The following BCL9 variants were observed in gnomAD, a reference collection of about 807,000 sequenced individuals.
The protein encoded by BCL9 is BCL9 transcription coactivator.
In BCL9, 25 loss-of-function variants were observed where a neutral mutation model predicts 88.5. The observed-to-expected ratio is 0.28, with a 90% confidence interval of 0.21 to 0.39. The LOEUF is 0.39. BCL9 is among the 10% of genes least tolerant of loss of function. The probability of loss-of-function intolerance (pLI) is 1.00; values close to 1 mark genes in which losing one functional copy is unlikely to be tolerated. For synonymous variants in BCL9, 711 were observed against 673.3 expected, an observed-to-expected ratio of 1.06 and a Z score of -0.87; for missense variants, 1,817 against 1,877.8, an observed-to-expected ratio of 0.97 and a Z score of 0.60.
At chr1:147,547,594 G>A (rs1300321899) in intron 1 of BCL9, among the ~76,000 whole-genome samples, 2 of 152,180 alleles carry the variant, frequency 1.3e-5, no homozygotes, top group African/African-American at 4.8e-5. Context: ...AGCTGGGAAA[G>A]AGGATTTTTC....
chr1:147,541,917 G>A (rs1194603500), intron 1 of BCL9, among the ~76,000 whole-genome samples: 4 of 151,620 alleles, frequency 2.6e-5, no homozygotes, highest in African/African-American at 9.7e-5. Flanking sequence ...AGAGGGCTGG[G>A]AGGAGGGTGT....
chr1:147,583,368 C>A (rs1656453305), intron 1 of BCL9, among the ~76,000 whole-genome samples: 1 of 152,038 alleles, frequency 6.6e-6, no homozygotes, highest in Non-Finnish European at 1.5e-5. Flanking sequence ...ACCTCCACCT[C>A]CCAGGTTCAA....
chr1:147,613,793 C>A (rs1658131925), intron 5 of BCL9, among the ~76,000 whole-genome samples: 1 of 152,168 alleles, frequency 6.6e-6, no homozygotes, highest in Non-Finnish European at 1.5e-5. Flanking sequence ...GGTATGGGAC[C>A]AACAGCTGTG....
chr1:147,589,886 C>T (rs1382197718), intron 1 of BCL9, among the ~76,000 whole-genome samples: 3 of 152,170 alleles, frequency 2.0e-5, no homozygotes, highest in East Asian at 1.9e-4. Context: ...GGTAAACTTA[C>T]ATTGAACTTT....
intron 1 of BCL9, among the ~76,000 whole-genome samples, chr1:147,599,952 G>C (rs1396061506): frequency 1.3e-5 from 2 of 151,634 alleles, no homozygotes; most frequent in Non-Finnish European, 3.0e-5. Context: ...TGCTGGTCGC[G>C]GGGCCGGACG....
rs782560512 is a variant in BCL9, at chr1:147,620,273, A to G, written c.2118A>G (p.Glu706=). 1.9e-6 allele frequency: 3 copies of G among 1,614,160 alleles called. No homozygotes were observed. The Admixed American group carries it at 5.0e-5, about 27-fold the overall frequency. The part of the protein sequence containing the change: ...GIPPQMGPGR[E]LEFGMVPSGM... Reference sequence around the variant, plus strand: ...CCCCACAGATGGGCCCTGGTCGGGAACTTGAGTTTGGGATGGTTCCTAGTG... The same window carrying G: ...CCCCACAGATGGGCCCTGGTCGGGAGCTTGAGTTTGGGATGGTTCCTAGTG... The change falls in exon 8 of 10, where the codon GAA becomes GAG. Residue 706 remains glutamate (E), a synonymous_variant. Coordinates refer to ENST00000234739, the MANE Select transcript of BCL9 (RefSeq NM_004326.4).
intron 1 of BCL9, among the ~76,000 whole-genome samples, chr1:147,599,843 A>C (rs1570884249): frequency 8.8e-6 from 1 of 113,126 alleles, no homozygotes; most frequent in African/African-American, 3.6e-5. Flanking sequence ...GGGCGGGAGG[A>C]GGCCGCGGCG....
chr1:147,570,745 C>A (rs1655850772), intron 1 of BCL9, among the ~76,000 whole-genome samples: 1 of 149,550 alleles, frequency 6.7e-6, no homozygotes, highest in Admixed American at 6.8e-5. Context: ...AAGCGATTCT[C>A]CTGCCTCAAC....
chr1:147,621,117 GTTAC>G, intron 8 of BCL9, 60 bp downstream of exon 8: 1 of 1,487,654 alleles, frequency 6.7e-7, no homozygotes. Flanking sequence ...AGACCTGATA[GTTAC>G]TTTAAGAAAA....
intron 1 of BCL9, among the ~76,000 whole-genome samples, chr1:147,545,088 G>T (rs1654495311): frequency 6.6e-6 from 1 of 151,960 alleles, no homozygotes; most frequent in Non-Finnish European, 1.5e-5. Flanking sequence ...TCATAGGTTC[G>T]ATGCCTATAC....
chr1:147,611,773 T>C lies in BCL9; in HGVS notation c.-64T>C, dbSNP rs372705860. The C allele has an allele frequency of 5.2e-6, 8 of 1,547,198 alleles. No individual in the cohort carries two copies. Among genetic ancestry groups the C allele is most frequent in the African/African-American group, 1.4e-5 (1 of 73,440 alleles). On this transcript the variant is annotated 5_prime_UTR_variant, in exon 4 of 10. Coordinates refer to ENST00000234739, the MANE Select transcript of BCL9 (RefSeq NM_004326.4). ...CACTGCCCCCAGCAGCTGTTTCTGCTGCAACCCGAGAGGAACTCGGTGAGC... is the reference window on the plus strand; with the variant it reads ...CACTGCCCCCAGCAGCTGTTTCTGCCGCAACCCGAGAGGAACTCGGTGAGC...
At chr1:147,596,478 ATCTAGGC>A (rs1230460491) in intron 1 of BCL9, among the ~76,000 whole-genome samples, 1 of 137,836 alleles carries the variant, frequency 7.3e-6, no homozygotes, top group Non-Finnish European at 1.5e-5. Context: ...CAGTGGAGCG[ATCTAGGC>A]TCACTGCAAG....
At chr1:147,597,685 A>G (rs1657116701) in intron 1 of BCL9, among the ~76,000 whole-genome samples, 1 of 152,240 alleles carries the variant, frequency 6.6e-6, no homozygotes, top group Admixed American at 6.5e-5. Context: ...TAACCTATTT[A>G]ATAGAATAAA....
At chr1:147,615,456 A>G (rs1658229770) in intron 6 of BCL9, among the ~76,000 whole-genome samples, 1 of 152,176 alleles carries the variant, frequency 6.6e-6, no homozygotes, top group Admixed American at 6.5e-5. Context: ...ATCACTAGGT[A>G]TTGTACGATC....
intron 1 of BCL9, among the ~76,000 whole-genome samples, chr1:147,556,401 G>A (rs1655115724): frequency 6.6e-6 from 1 of 151,648 alleles, no homozygotes; most frequent in African/African-American, 2.4e-5. Context: ...TGGGATTACA[G>A]GCGTGAGCCA....
chr1:147,598,584 A>G (rs1316985587), intron 1 of BCL9, among the ~76,000 whole-genome samples: 1 of 152,180 alleles, frequency 6.6e-6, no homozygotes, highest in African/African-American at 2.4e-5. Flanking sequence ...AGGAATAAGT[A>G]CCCTGGTTAA....
At chr1:147,552,793 G>A (rs896980289) in intron 1 of BCL9, among the ~76,000 whole-genome samples, 6 of 152,128 alleles carry the variant, frequency 3.9e-5, no homozygotes, top group Non-Finnish European at 8.8e-5. Flanking sequence ...CCTGTTCTAC[G>A]CTTTCTAGGT....
chr1:147,597,424 C>T (rs1468137745), intron 1 of BCL9, among the ~76,000 whole-genome samples: 9 of 152,162 alleles, frequency 5.9e-5, no homozygotes, highest in African/African-American at 2.2e-4. Context: ...TCTTTAGCAT[C>T]AAAATCCTTT....
chr1:147,615,431 T>TGG (rs1488919645), intron 6 of BCL9, among the ~76,000 whole-genome samples: 1 of 152,198 alleles, frequency 6.6e-6, no homozygotes, highest in Non-Finnish European at 1.5e-5. Context: ...AAGTGAATCT[T>TGG]AACAGCCTTA....
Sources: gnomAD v4.1 joint callset for allele counts (sites outside exome capture counted in the v4.1 genomes callset) on GRCh38, gnomAD v4.1.1 for gene constraint, MANE v1.5 for transcripts, NCBI Gene and HGNC (gene_info 2026-07-23, HGNC 2026-07-21) for gene names.